Variants in PTPN22 observed in about 807,000 individuals in gnomAD.
The protein encoded by PTPN22 is tyrosine-protein phosphatase non-receptor type 22.
In PTPN22, 85 loss-of-function variants were observed where a neutral mutation model predicts 103.3. That is an observed-to-expected ratio of 0.82 (90% CI 0.69 to 0.99). The LOEUF (loss-of-function observed/expected upper bound fraction) is 0.99. Ranked by LOEUF, PTPN22 falls within the 50% of genes least tolerant of loss-of-function variation. The probability of loss-of-function intolerance (pLI) is 0.00; values close to 1 mark genes in which losing one functional copy is unlikely to be tolerated. For missense variants in PTPN22, 865 were observed against 936.9 expected (o/e 0.92, Z 1.00); for synonymous variants, 323 against 310.2 (o/e 1.04, Z -0.43).
intron 1 of PTPN22, among the ~76,000 whole-genome samples, chr1:113,866,304 G>T (rs1189044298): frequency 2.6e-5 from 4 of 151,952 alleles, no homozygotes; most frequent in Non-Finnish European, 5.9e-5. Context: ...TGAGGTCAAG[G>T]GATCGAGACC....
chr1:113,829,895 T>C, intron 17 of PTPN22, 54 bp downstream of exon 17: 1 of 1,464,500 alleles, frequency 6.8e-7, no homozygotes, highest in South Asian at 1.1e-5. Flanking sequence ...TTATTGTTAA[T>C]CTTTTAACAT....
intron 11 of PTPN22, among the ~76,000 whole-genome samples, chr1:113,843,099 C>CAAAAA (rs71090738): frequency 1.0e-4 from 5 of 47,926 alleles, no homozygotes; most frequent in East Asian, 3.7e-4. Flanking sequence ...GACTCCGTCT[C>CAAAAA]AAAAAAAAAA....
At chr1:113,838,225 T>G in exon 13 of PTPN22, 1 of 1,614,144 alleles carries the variant, frequency 6.2e-7, no homozygotes, top group Non-Finnish European at 8.5e-7. Context: ...CATGGTTGTG[T>G]CAGCATTTTT....
chr1:113,844,486 G>T (rs565627691), intron 11 of PTPN22, among the ~76,000 whole-genome samples: 3 of 152,132 alleles, frequency 2.0e-5, no homozygotes, highest in East Asian at 3.9e-4. Context: ...AACCAATTCT[G>T]ATTTTTCTCT....
intron 13 of PTPN22, among the ~76,000 whole-genome samples, chr1:113,837,283 C>T (rs1663093755): frequency 6.6e-6 from 1 of 151,772 alleles, no homozygotes; most frequent in Non-Finnish European, 1.5e-5. Flanking sequence ...AACTCCATCT[C>T]TGCTAAAAAT....
intron 15 of PTPN22, among the ~76,000 whole-genome samples, chr1:113,833,356 A>G (rs1468460527): frequency 6.6e-6 from 1 of 152,186 alleles, no homozygotes; most frequent in Non-Finnish European, 1.5e-5. Context: ...AATTAGTCCT[A>G]AATTGATCCC....
intron 9 of PTPN22, among the ~76,000 whole-genome samples, chr1:113,853,627 G>A (rs919452683): frequency 1.3e-5 from 2 of 151,790 alleles, no homozygotes; most frequent in African/African-American, 2.4e-5. Flanking sequence ...TGGGATTACC[G>A]TGTGAGCCAC....
intron 14 of PTPN22, 79 bp from the exon 15 acceptor site, chr1:113,834,518 T>TA (rs1235466171): frequency 1.4e-6 from 2 of 1,418,036 alleles, no homozygotes; most frequent in African/African-American, 2.9e-5. Flanking sequence ...AAATAATACA[T>TA]AAAACATTGA....
At chr1:113,852,238 A>G in intron 9 of PTPN22, 134 bp from the exon 10 acceptor site, 1 of 642,830 alleles carries the variant, frequency 1.6e-6, no homozygotes, top group Non-Finnish European at 2.6e-6. Flanking sequence ...TGCATTTTTA[A>G]AACAAATGAG....
chr1:113,819,613 C>T (rs775458814), exon 20 of PTPN22: 34 of 1,606,744 alleles, frequency 2.1e-5, no homozygotes, highest in Non-Finnish European at 2.9e-5. Flanking sequence ...TTTGACTGAA[C>T]AGATTCTGCA....
At chr1:113,826,823 C>G (rs1486593959) in intron 18 of PTPN22, among the ~76,000 whole-genome samples, 2 of 150,878 alleles carry the variant, frequency 1.3e-5, no homozygotes, top group Non-Finnish European at 3.0e-5. Flanking sequence ...GCGCCCGCCA[C>G]TACGCCCGGC....
intron 19 of PTPN22, among the ~76,000 whole-genome samples, chr1:113,824,100 A>G (rs1196867406): frequency 7.3e-6 from 1 of 136,538 alleles, no homozygotes; most frequent in Non-Finnish European, 1.6e-5. Context: ...GATTGTCACC[A>G]TGGTTCTTTT....
chr1:113,833,240 T>A (rs1051042658), intron 15 of PTPN22, 102 bp from the exon 16 acceptor site: 16 of 799,082 alleles, frequency 2.0e-5, no homozygotes, highest in Non-Finnish European at 3.1e-5. Context: ...GTAATATAGC[T>A]GTAGAGATAA....
Position 113,827,002 on chromosome 1 carries a change from C to A in PTPN22, c.2251-1830G>T, listed in dbSNP as rs145197996. Among the ~76,000 whole-genome samples the A allele has an allele frequency of 2.6e-3, 403 of 152,250 alleles. 2 individuals carry two copies. The highest frequency in any genetic ancestry group is 9.2e-3 in the African/African-American group (381 of 41,546). On this transcript the variant is annotated intron_variant, in intron 18 of 20. Coordinates refer to ENST00000359785, the Ensembl canonical transcript of PTPN22. ...CTAATTTATCTCTTCAAGGAACCTA[C>A]CCAAATTTCTTCTTTACTCCACATT...
intron 19 of PTPN22, among the ~76,000 whole-genome samples, chr1:113,824,846 A>C (rs1052941702): frequency 6.6e-6 from 1 of 151,954 alleles, no homozygotes; most frequent in Admixed American, 6.6e-5. Context: ...TATTAAAATA[A>C]ATTTTAAAAA....
exon 14 of PTPN22, chr1:113,834,993 G>A: frequency 1.3e-6 from 2 of 1,532,862 alleles, no homozygotes; most frequent in Non-Finnish European, 1.8e-6. Context: ...TGGAGCAGTT[G>A]CTATCCAAAA....
intron 20 of PTPN22, among the ~76,000 whole-genome samples, chr1:113,815,867 T>C (rs970481892): frequency 1.3e-5 from 2 of 152,088 alleles, no homozygotes; most frequent in African/African-American, 4.8e-5. Context: ...TTAGTAGAGA[T>C]GGGGTTTCAC....
At chr1:113,869,390 T>C (rs943603976) in intron 1 of PTPN22, among the ~76,000 whole-genome samples, 2 of 105,190 alleles carry the variant, frequency 1.9e-5, no homozygotes, top group Non-Finnish European at 3.6e-5. Flanking sequence ...ATTAGGGATA[T>C]AGTCTACATT....
At chr1:113,829,768 A>T in intron 17 of PTPN22, 61 bp from the exon 18 acceptor site, 1 of 1,288,616 alleles carries the variant, frequency 7.8e-7, no homozygotes, top group Non-Finnish European at 1.1e-6. Flanking sequence ...CCTTCATGTT[A>T]CATATAATAA....
Sources: allele counts gnomAD v4.1 joint callset (sites outside exome capture counted in the v4.1 genomes callset), GRCh38; gene constraint gnomAD v4.1.1; transcripts MANE v1.5; gene names NCBI Gene and HGNC (gene_info 2026-07-23, HGNC 2026-07-21).